Variants in ZMAT4 observed in about 807,000 individuals in gnomAD.
The protein encoded by ZMAT4 is zinc finger matrin-type 4.
In ZMAT4, 17 loss-of-function variants were observed where a neutral mutation model predicts 28.7. That is an observed-to-expected ratio of 0.59 (90% CI 0.41 to 0.89). ZMAT4 has a LOEUF of 0.89. Ranked by LOEUF, ZMAT4 falls within the 40% of genes least tolerant of loss-of-function variation. ZMAT4 has a pLI of 0.00. For synonymous variants in ZMAT4, 117 were observed against 109.2 expected (o/e 1.07, Z -0.44); for missense variants, 240 against 283.8 (o/e 0.85, Z 1.11).
chr8:40,584,722 C>T lies in ZMAT4; in HGVS notation c.578-3461G>A, dbSNP rs572936356. 1.1e-3 allele frequency among the ~76,000 whole-genome samples: 160 copies of T among 152,204 alleles called. 1 individual carries two copies. Among genetic ancestry groups the T allele is most frequent in the African/African-American group, 3.7e-3 (152 of 41,546 alleles). On this transcript the variant is annotated intron_variant, in intron 5 of 6. Coordinates refer to ENST00000297737, the MANE Select transcript of ZMAT4 (RefSeq NM_024645.3). Reference sequence around the variant, plus strand: ...GATGTCAGCTCACTGCAACCTCCGCCTCCCGAGTTCAAGCAATTCTCCTGC... The same window carrying T: ...GATGTCAGCTCACTGCAACCTCCGCTTCCCGAGTTCAAGCAATTCTCCTGC...
chr8:40,743,619 A>G (rs1812102148), intron 3 of ZMAT4, among the ~76,000 whole-genome samples: 1 of 152,218 alleles, frequency 6.6e-6, no homozygotes, highest in African/African-American at 2.4e-5. Context: ...ATAGAATCCC[A>G]TTGGTCCTGG....
intron 2 of ZMAT4, among the ~76,000 whole-genome samples, chr8:40,822,221 G>A (rs61059816): frequency 0.065 from 9,962 of 152,174 alleles, 609 homozygotes; most frequent in East Asian, 0.33. Flanking sequence ...TTTTTCTCTC[G>A]ATGAAGTTTA....
At chr8:40,752,052 A>G (rs575181464) in intron 3 of ZMAT4, among the ~76,000 whole-genome samples, 6 of 152,044 alleles carry the variant, frequency 3.9e-5, no homozygotes, top group Admixed American at 2.0e-4. Context: ...AGATCCCAAG[A>G]CCACACCTGA....
At chr8:40,808,738 A>T (rs11776726) in intron 2 of ZMAT4, among the ~76,000 whole-genome samples, 2 of 151,546 alleles carry the variant, frequency 1.3e-5, no homozygotes, top group South Asian at 2.1e-4. Flanking sequence ...AATGTGAAGA[A>T]GGAAAAAGAG....
At chr8:40,598,805 C>A (rs1327348368) in intron 5 of ZMAT4, among the ~76,000 whole-genome samples, 1 of 133,212 alleles carries the variant, frequency 7.5e-6, no homozygotes, top group Admixed American at 8.3e-5. Context: ...CTAGAAAGTA[C>A]TTCCTTAATG....
rs138621024 is a variant in ZMAT4, at chr8:40,607,409, C to A, written c.578-26148G>T. On this transcript the variant is annotated intron_variant, in intron 5 of 6. Coordinates refer to ENST00000297737, the MANE Select transcript of ZMAT4 (RefSeq NM_024645.3). ...CCTCCCAAAGTACTGGGATTACAGG[C>A]ATGAGCCACGGTGCCTGGCCTATAT... is the stretch of plus-strand genomic sequence containing the variant. Among the ~76,000 whole-genome samples, 545 of 152,230 alleles carry A rather than the reference C, an allele frequency of 3.6e-3. 2 individuals are homozygous for A. Among genetic ancestry groups the A allele is most frequent in the African/African-American group, 0.013 (522 of 41,556 alleles).
At chr8:40,872,233 G>A (rs765300603) in intron 1 of ZMAT4, among the ~76,000 whole-genome samples, 1 of 152,192 alleles carries the variant, frequency 6.6e-6, no homozygotes, top group Non-Finnish European at 1.5e-5. Context: ...ACACTGAGCA[G>A]GCAAGCCTCT....
At chr8:40,799,079 C>CTGGCTGGA (rs1184575750) in intron 2 of ZMAT4, among the ~76,000 whole-genome samples, 1 of 150,168 alleles carries the variant, frequency 6.7e-6, no homozygotes, top group Non-Finnish European at 1.5e-5. Context: ...GGCTGGCTGG[C>CTGGCTGGA]TGGATGGATG....
intron 1 of ZMAT4, among the ~76,000 whole-genome samples, chr8:40,867,102 T>A (rs1169295030): frequency 6.6e-6 from 1 of 152,156 alleles, no homozygotes; most frequent in African/African-American, 2.4e-5. Flanking sequence ...CTAGCCGATG[T>A]TATTGCAATG....
intron 3 of ZMAT4, among the ~76,000 whole-genome samples, chr8:40,722,899 A>G (rs1014603435): frequency 6.6e-6 from 1 of 152,150 alleles, no homozygotes; most frequent in African/African-American, 2.4e-5. Flanking sequence ...CATCACCAAC[A>G]TACAAATTCT....
intron 1 of ZMAT4, among the ~76,000 whole-genome samples, chr8:40,874,277 C>A (rs550481867): frequency 6.6e-6 from 1 of 152,350 alleles, no homozygotes; most frequent in East Asian, 1.9e-4. Flanking sequence ...ACACCCGTCA[C>A]GTCCAGCTGT....
In ZMAT4 at chr8:40,836,074, C is replaced by T. The variant is rs193087144; in HGVS notation, c.-4-10394G>A. Among the ~76,000 whole-genome samples, 3 of 152,336 alleles carry T rather than the reference C, an allele frequency of 2.0e-5. No individual in the cohort carries two copies. The East Asian group carries it at 5.8e-4, about 29-fold the overall frequency. On this transcript the variant is annotated intron_variant, in intron 1 of 6. Transcript: ENST00000297737. Reference sequence around the variant, plus strand: ...CAGCAGCCTCCCCCGTCCATGAAATCTTTCCGTTAGAACTTCCTTTCAGAT... The same window carrying T: ...CAGCAGCCTCCCCCGTCCATGAAATTTTTCCGTTAGAACTTCCTTTCAGAT...
chr8:40,847,375 C>A (rs1816946766), intron 1 of ZMAT4, among the ~76,000 whole-genome samples: 1 of 152,174 alleles, frequency 6.6e-6, no homozygotes, highest in South Asian at 2.1e-4. Context: ...GAAAGCGCTC[C>A]TCAAACCACA....
intron 5 of ZMAT4, among the ~76,000 whole-genome samples, chr8:40,615,481 A>G (rs1391588485): frequency 6.6e-6 from 1 of 152,172 alleles, no homozygotes; most frequent in Non-Finnish European, 1.5e-5. Context: ...CTGACTTGCT[A>G]TGTTAGGGAA....
At chr8:40,794,520 G>A (rs921630820) in intron 2 of ZMAT4, among the ~76,000 whole-genome samples, 12 of 152,214 alleles carry the variant, frequency 7.9e-5, no homozygotes, top group African/African-American at 2.9e-4. Flanking sequence ...TCTTCCGGGG[G>A]AGTTTACTTG....
chr8:40,793,652 G>T (rs1814459878), intron 2 of ZMAT4, among the ~76,000 whole-genome samples: 1 of 152,194 alleles, frequency 6.6e-6, no homozygotes, highest in Non-Finnish European at 1.5e-5. Context: ...CAAGTAAAAT[G>T]AATTGCTCAT....
intron 3 of ZMAT4, among the ~76,000 whole-genome samples, chr8:40,725,655 A>C (rs76328760): frequency 6.6e-6 from 1 of 152,078 alleles, no homozygotes; most frequent in South Asian, 2.1e-4. Context: ...CTTTAAAGTC[A>C]TGATTTCCAG....
chr8:40,602,416 T>A (rs1805430326), intron 5 of ZMAT4, among the ~76,000 whole-genome samples: 1 of 152,184 alleles, frequency 6.6e-6, no homozygotes, highest in African/African-American at 2.4e-5. Context: ...AAATGGTAGA[T>A]CTACTTTTAA....
At chr8:40,798,955 G>T (rs1814709112) in intron 2 of ZMAT4, among the ~76,000 whole-genome samples, 1 of 152,138 alleles carries the variant, frequency 6.6e-6, no homozygotes, top group South Asian at 2.1e-4. Flanking sequence ...TTCCCAGCTG[G>T]CCTTACCTTT....
Sources: allele counts gnomAD v4.1 joint callset (sites outside exome capture counted in the v4.1 genomes callset), GRCh38; gene constraint gnomAD v4.1.1; transcripts MANE v1.5; gene names NCBI Gene and HGNC (gene_info 2026-07-23, HGNC 2026-07-21).